Variants in CELF2 observed in about 807,000 individuals in gnomAD.
The protein encoded by CELF2 is CUGBP Elav-like family member 2.
A neutral mutation model predicts 62.6 loss-of-function variants in CELF2; 8 were observed. The ratio of observed to expected loss-of-function variants is 0.13; its 90% confidence interval spans 0.07 to 0.23. The LOEUF (loss-of-function observed/expected upper bound fraction) is 0.23, where lower values mean the gene tolerates loss of function less well. CELF2 is among the 10% of genes least tolerant of loss of function. CELF2 has a pLI of 1.00. For missense variants in CELF2, 333 were observed against 671.0 expected (o/e 0.50, Z 5.56); for synonymous variants, 258 against 250.0 (o/e 1.03, Z -0.30).
chr10:10,910,133 G>A (rs185395377), intron 1 of CELF2, among the ~76,000 whole-genome samples: 1 of 152,296 alleles, frequency 6.6e-6, no homozygotes, highest in East Asian at 1.9e-4. Flanking sequence ...GGAACTAATA[G>A]AGAAAAATTG....
At chr10:10,656,733 A>AG in the CELF2 span, among the ~76,000 whole-genome samples, 1 of 61,976 alleles carries the variant, frequency 1.6e-5, no homozygotes, top group Non-Finnish European at 2.9e-5. Context: ...GGGTCGGGGG[A>AG]GGGGGGAGGG....
In CELF2 at chr10:10,858,782, TG is replaced by T. The variant is rs149012774; in HGVS notation, c.53+59966del. ...CTAAAAAAAAAAAATCTAGGGAAAA[TG>T]AACATTTTCAATAAAACATTTAAAT... On this transcript the variant is annotated intron_variant, in intron 1 of 13. Coordinates refer to the CELF2 transcript ENST00000636488. 7.8e-4 allele frequency among the ~76,000 whole-genome samples: 119 copies of T among 151,664 alleles called. 5 individuals are homozygous for T. In the East Asian group the frequency reaches 0.021, roughly 26 times the overall value.
At position 11,110,924 on chromosome 10, in the gene CELF2, T is replaced by C. The variant is rs1009375899; in HGVS notation, c.75-54562T>C. 9.9e-5 allele frequency among the ~76,000 whole-genome samples: 15 copies of C among 152,198 alleles called. No individual in the cohort carries two copies. The highest frequency in any genetic ancestry group is 3.6e-4 in the African/African-American group (15 of 41,434). On this transcript the variant is annotated intron_variant, in intron 1 of 12. Transcript: ENST00000633077. This position sits in a 1 kb window ranked among gnomAD's most constrained non-coding sequence, Gnocchi z 4.0. ...CTGCAATGAGCATTTTATTGAATTC[T>C]TTCAAAACTGGAATTACAGAACGTC...
Position 11,267,545 on chromosome 10 carries a change from G to A in CELF2, c.618+868G>A, listed in dbSNP as rs1055465634. Among the ~76,000 whole-genome samples, 1 of 152,180 alleles carries A rather than the reference G, an allele frequency of 6.6e-6. No individual in the cohort carries two copies. The highest frequency in any genetic ancestry group is 1.5e-5 in the Non-Finnish European group (1 of 68,030). On this transcript the variant is annotated intron_variant, in intron 6 of 12. Coordinates refer to ENST00000633077, the MANE Select transcript of CELF2 (RefSeq NM_001326342.2). This position sits in a 1 kb window ranked among gnomAD's most constrained non-coding sequence, Gnocchi z 4.4. ...TGTGTATGGGTGATCTTTTCCGGAG[G>A]TGGCCTTGTGGTGTTATCTGAAGCT...
intron 6 of CELF2, 150 bp downstream of exon 6, chr10:11,266,827 TTCTCTC>T (rs34379813): frequency 5.5e-5 from 27 of 492,932 alleles, no homozygotes; most frequent in South Asian, 9.4e-5. Context: ...CATTCTCTCC[TTCTCTC>T]TCTCTCTCTC....
intron 5 of CELF2, among the ~76,000 whole-genome samples, chr10:11,258,248 G>T (rs546441465): frequency 6.6e-6 from 1 of 152,328 alleles, no homozygotes; most frequent in African/African-American, 2.4e-5. Context: ...CTTCCTGCCT[G>T]TGCCTGAAAG....
chr10:11,267,905 T>C lies in CELF2; in HGVS notation c.618+1228T>C, dbSNP rs1379732754. 6.6e-6 allele frequency among the ~76,000 whole-genome samples: 1 copy of C among 152,340 alleles called. No individual in the cohort carries two copies. The highest frequency in any genetic ancestry group is 2.4e-5 in the African/African-American group (1 of 41,578). ...CAAAGCCTATTGTCTTTTTCGAACA[T>C]TGATCTTGACTTTGATATTCCTAAC... On this transcript the variant is annotated intron_variant, in intron 6 of 12. Transcript: ENST00000633077. This position sits in a 1 kb window ranked among gnomAD's most constrained non-coding sequence, Gnocchi z 4.4.
At chr10:10,788,763 T>C in the CELF2 span, among the ~76,000 whole-genome samples, 2 of 152,140 alleles carry the variant, frequency 1.3e-5, no homozygotes, top group Non-Finnish European at 2.9e-5. Context: ...CTGCCCAGCC[T>C]CTTTCCAGTA....
At chr10:11,197,086 G>A (rs1248620311) in intron 2 of CELF2, among the ~76,000 whole-genome samples, 1 of 133,974 alleles carries the variant, frequency 7.5e-6, no homozygotes, top group African/African-American at 2.8e-5. Flanking sequence ...AAAGAAAGAA[G>A]AAAGAAAGAA....
At chr10:11,130,359 C>T (rs1319229647) in intron 1 of CELF2, among the ~76,000 whole-genome samples, 1 of 152,206 alleles carries the variant, frequency 6.6e-6, no homozygotes, top group Admixed American at 6.5e-5. Context: ...GTCTCACAAG[C>T]TCCCCTGAGC....
chr10:10,805,463 AT>A (rs1039828737), intron 1 of CELF2, among the ~76,000 whole-genome samples: 4 of 152,134 alleles, frequency 2.6e-5, no homozygotes, highest in African/African-American at 9.7e-5. Context: ...ACTTTTAAAA[AT>A]TTTTTGCAGA....
chr10:10,954,721 G>A (rs2048717094), intron 2 of CELF2, among the ~76,000 whole-genome samples: 1 of 152,090 alleles, frequency 6.6e-6, no homozygotes, highest in Admixed American at 6.5e-5. Flanking sequence ...CTGTCAATAA[G>A]GAACTTGTTA....
intron 1 of CELF2, among the ~76,000 whole-genome samples, chr10:11,153,312 A>G (rs2063688704): frequency 1.3e-5 from 2 of 152,180 alleles, no homozygotes. Flanking sequence ...TATTTGAAGC[A>G]CAGAGCTGCT....
the CELF2 span, among the ~76,000 whole-genome samples, chr10:10,599,338 C>T: frequency 4.6e-5 from 7 of 152,258 alleles, no homozygotes; most frequent in East Asian, 1.4e-3. Context: ...GAACTATATT[C>T]CTCCAGATTT....
the CELF2 span, among the ~76,000 whole-genome samples, chr10:10,491,330 A>G: frequency 6.6e-6 from 1 of 152,242 alleles, no homozygotes; most frequent in Non-Finnish European, 1.5e-5. Flanking sequence ...ACTTGTTTGC[A>G]TAGCATATCC....
intron 1 of CELF2, among the ~76,000 whole-genome samples, chr10:10,891,830 CTG>C (rs1298686201): frequency 5.3e-5 from 8 of 152,184 alleles, no homozygotes; most frequent in African/African-American, 1.9e-4. Flanking sequence ...CACTCTAAGT[CTG>C]TTGTCTCATC....
the CELF2 span, among the ~76,000 whole-genome samples, chr10:10,487,757 C>T: frequency 1.1e-4 from 16 of 152,038 alleles, no homozygotes; most frequent in Admixed American, 3.9e-4. Flanking sequence ...TAATGCATCA[C>T]GATTAAAGGT....
the CELF2 span, among the ~76,000 whole-genome samples, chr10:10,668,889 CAG>C: frequency 6.6e-6 from 1 of 152,094 alleles, no homozygotes; most frequent in East Asian, 1.9e-4. Context: ...ATCCAGGAGA[CAG>C]AGGCTGCGAT....
the CELF2 span, among the ~76,000 whole-genome samples, chr10:10,656,918 T>TAA: frequency 8.0e-6 from 1 of 124,916 alleles, no homozygotes; most frequent in Non-Finnish European, 1.7e-5. Flanking sequence ...GTAGAATCAA[T>TAA]AAAAAAAAAA....
Sources: allele counts gnomAD v4.1 joint callset (sites outside exome capture counted in the v4.1 genomes callset), GRCh38; gene constraint gnomAD v4.1.1; non-coding constraint Gnocchi (gnomAD v3.1); transcripts MANE v1.5; gene names NCBI Gene and HGNC (gene_info 2026-07-23, HGNC 2026-07-21).